Variants in LUZP2 observed in about 807,000 individuals in gnomAD.
LUZP2 encodes leucine zipper protein 2.
LUZP2 carries 52 observed loss-of-function variants against 51.6 expected under a neutral mutation model. The ratio of observed to expected loss-of-function variants is 1.01; its 90% CI spans 0.81 to 1.27. The LOEUF (loss-of-function observed/expected upper bound fraction) is 1.27. Ranked by LOEUF, LUZP2 falls within the 50% of genes most tolerant of loss-of-function variation. The pLI is 0.00. For synonymous variants in LUZP2, 154 were observed against 137.3 expected (o/e 1.12, Z -0.85); for missense variants, 436 against 395.4 (o/e 1.10, Z -0.87).
intron 1 of LUZP2, among the ~76,000 whole-genome samples, chr11:24,617,675 GCTGGGCATAGTGGAGGGCAC>G (rs1490555460): frequency 1.2e-4 from 18 of 152,044 alleles, no homozygotes; most frequent in African/African-American, 4.3e-4. Context: ...CAAAAAATTA[GCTGGGCATAGTGGAGGGCAC>G]CTGTAGTCCC....
chr11:24,708,918 C>T (rs1857719156), intron 1 of LUZP2, among the ~76,000 whole-genome samples: 1 of 152,240 alleles, frequency 6.6e-6, no homozygotes, highest in East Asian at 1.9e-4. Context: ...AGAGCTGGTC[C>T]ACAGCCCAGC....
chr11:24,929,843 G>A (rs536722441), intron 7 of LUZP2, among the ~76,000 whole-genome samples: 242 of 151,992 alleles, frequency 1.6e-3, no homozygotes, highest in African/African-American at 5.5e-3. Flanking sequence ...TATTATTGTC[G>A]TGCTGTCTAT....
chr11:24,719,764 T>C (rs1158638054), intron 1 of LUZP2, among the ~76,000 whole-genome samples: 1 of 152,188 alleles, frequency 6.6e-6, no homozygotes, highest in Non-Finnish European at 1.5e-5. Flanking sequence ...CAGGATGTTA[T>C]TCTAAATCTC....
intron 1 of LUZP2, among the ~76,000 whole-genome samples, chr11:24,681,163 A>G (rs1281677826): frequency 1.3e-5 from 2 of 151,426 alleles, no homozygotes; most frequent in Non-Finnish European, 1.5e-5. Flanking sequence ...TTGTATTTTT[A>G]GTAGAGACGG....
At chr11:25,003,391 G>C (rs562712305) in intron 9 of LUZP2, among the ~76,000 whole-genome samples, 88 of 152,282 alleles carry the variant, frequency 5.8e-4, no homozygotes, top group African/African-American at 1.5e-3. Context: ...ACAGAAGAAG[G>C]CATCCTTGAG....
chr11:24,700,373 G>T (rs1857389320), intron 1 of LUZP2, among the ~76,000 whole-genome samples: 1 of 152,008 alleles, frequency 6.6e-6, no homozygotes, highest in Non-Finnish European at 1.5e-5. Flanking sequence ...TTATTTTCCT[G>T]AACTTTTTAG....
intron 7 of LUZP2, among the ~76,000 whole-genome samples, chr11:24,921,955 G>T (rs1565112311): frequency 6.6e-6 from 1 of 152,108 alleles, no homozygotes; most frequent in Admixed American, 6.6e-5. Context: ...CACAATGAAA[G>T]AATTGAAGTC....
chr11:24,902,134 C>A (rs1853298570), intron 5 of LUZP2, among the ~76,000 whole-genome samples: 1 of 152,050 alleles, frequency 6.6e-6, no homozygotes, highest in African/African-American at 2.4e-5. Flanking sequence ...TTATTATTAT[C>A]AAAACATCTA....
chr11:24,731,130 T>C (rs897708647), intron 2 of LUZP2, among the ~76,000 whole-genome samples: 5 of 151,760 alleles, frequency 3.3e-5, no homozygotes, highest in African/African-American at 1.2e-4. Flanking sequence ...GTAAAGTTCA[T>C]CCCACTTCAT....
intron 5 of LUZP2, among the ~76,000 whole-genome samples, chr11:24,813,242 TC>T (rs1850073698): frequency 6.6e-6 from 1 of 152,204 alleles, no homozygotes; most frequent in African/African-American, 2.4e-5. Context: ...GTCTGGTAGT[TC>T]TCTATTCTCT....
At chr11:24,908,299 T>C (rs1406430409) in intron 6 of LUZP2, among the ~76,000 whole-genome samples, 1 of 152,162 alleles carries the variant, frequency 6.6e-6, no homozygotes, top group Non-Finnish European at 1.5e-5. Context: ...ATCACTCCTA[T>C]TTTATCAAAG....
At chr11:24,858,042 C>T (rs1312192855) in intron 5 of LUZP2, among the ~76,000 whole-genome samples, 10 of 152,070 alleles carry the variant, frequency 6.6e-5, no homozygotes, top group Non-Finnish European at 1.3e-4. Flanking sequence ...ACTCTCACAG[C>T]TATCATCACA....
In LUZP2 at chr11:24,999,398, G is replaced by A. The variant is rs957736830; in HGVS notation, c.765+16105G>A. Among the ~76,000 whole-genome samples, 4 of 126,986 alleles carry A rather than the reference G, an allele frequency of 3.1e-5. No homozygotes were observed. In the South Asian group the frequency reaches 7.9e-4, roughly 25 times the overall value. 83.3% of individuals were successfully genotyped at this position (126,986 alleles called of 152,430 possible). A position where few individuals can be genotyped will look rare whatever the true frequency, so the allele number is the denominator to read the frequency against. ...AGGAGGAGGAGCAGGAAGATGGGGA[G>A]GAGGAGGAAGGAGAAGAAGAAGGAG... is the stretch of plus-strand genomic sequence containing the variant. On this transcript the variant is annotated intron_variant, in intron 9 of 11. Coordinates refer to ENST00000336930, the MANE Select transcript of LUZP2 (RefSeq NM_001009909.4).
At chr11:24,693,671 T>G (rs1037974708) in intron 1 of LUZP2, among the ~76,000 whole-genome samples, 5 of 152,010 alleles carry the variant, frequency 3.3e-5, no homozygotes, top group Non-Finnish European at 5.9e-5. Flanking sequence ...TTTTCTGTAC[T>G]GCATAGAAGC....
At chr11:24,574,267 T>TAA (rs374375522) in intron 1 of LUZP2, among the ~76,000 whole-genome samples, 1 of 130,880 alleles carries the variant, frequency 7.6e-6, no homozygotes, top group Non-Finnish European at 1.6e-5. Context: ...TTTCTTGCTT[T>TAA]CTTTCTTTCT....
At chr11:25,058,672 G>A (rs529560224) in intron 10 of LUZP2, among the ~76,000 whole-genome samples, 1 of 152,138 alleles carries the variant, frequency 6.6e-6, no homozygotes, top group African/African-American at 2.4e-5. Flanking sequence ...GTAAATTAAG[G>A]TTCAGAGAGG....
intron 1 of LUZP2, among the ~76,000 whole-genome samples, chr11:24,537,833 A>G (rs987584074): frequency 6.6e-6 from 1 of 151,906 alleles, no homozygotes; most frequent in African/African-American, 2.4e-5. Flanking sequence ...ATAGAGCTTT[A>G]TCCTTAAACA....
At chr11:24,786,034 C>T in intron 5 of LUZP2, 2 of 985,268 alleles carry the variant, frequency 2.0e-6, no homozygotes, top group Non-Finnish European at 2.4e-6. Flanking sequence ...CCGAGTACAT[C>T]AATGTATTAA....
Position 24,673,831 on chromosome 11 carries a change from A to G in LUZP2, c.63-55338A>G, listed in dbSNP as rs1856469176. 2.0e-5 allele frequency among the ~76,000 whole-genome samples: 3 copies of G among 152,188 alleles called. 1 individual carries two copies. In the South Asian group the frequency reaches 6.2e-4, roughly 32 times the overall value. ...TTTAAAGCAAAGGTTCTTGAAATCTAGGATTATTTTATTGTTCTCACTTTC... is the reference window on the plus strand; with the variant it reads ...TTTAAAGCAAAGGTTCTTGAAATCTGGGATTATTTTATTGTTCTCACTTTC... On this transcript the variant is annotated intron_variant, in intron 1 of 11. Coordinates refer to ENST00000336930, the MANE Select transcript of LUZP2 (RefSeq NM_001009909.4).
Sources: gnomAD v4.1 joint callset for allele counts (sites outside exome capture counted in the v4.1 genomes callset) on GRCh38, gnomAD v4.1.1 for gene constraint, MANE v1.5 for transcripts, NCBI Gene and HGNC (gene_info 2026-07-23, HGNC 2026-07-21) for gene names.